The following NIPA2 variants were observed in gnomAD, a reference collection of about 807,000 sequenced individuals.
The protein encoded by NIPA2 is magnesium transporter NIPA2.
NIPA2 carries 11 observed loss-of-function variants against 29.7 expected under a neutral mutation model. The ratio of observed to expected loss-of-function variants is 0.37; its 90% CI spans 0.23 to 0.61. NIPA2 has a LOEUF of 0.61. Among genes scored for constraint, NIPA2 ranks in the 20% least tolerant of loss-of-function variants. The pLI is 0.66. For missense variants in NIPA2, 426 were observed against 437.9 expected (o/e 0.97, Z 0.24); for synonymous variants, 183 against 161.9 (o/e 1.13, Z -0.99).
chr15:22,851,263 A>T (rs2057718794), intron 3 of NIPA2, among the ~76,000 whole-genome samples: 1 of 152,222 alleles, frequency 6.6e-6, no homozygotes. Flanking sequence ...CTTTGTATAG[A>T]TTATTCAAAA....
intron 4 of NIPA2, among the ~76,000 whole-genome samples, chr15:22,852,467 T>TAAA (rs71411211): frequency 7.6e-6 from 1 of 131,010 alleles, no homozygotes; most frequent in South Asian, 2.5e-4. Flanking sequence ...AGACTCCGTC[T>TAAA]AAAAAAAAAA....
At chr15:22,840,461 C>G (rs949342605) in intron 2 of NIPA2, among the ~76,000 whole-genome samples, 6 of 151,972 alleles carry the variant, frequency 3.9e-5, no homozygotes, top group Non-Finnish European at 7.4e-5. Context: ...CCACGCCCAG[C>G]TAATTTTTGT....
In NIPA2 at chr15:22,865,435, G is replaced by T. The variant is rs62008585; in HGVS notation, c.449-778G>T. On this transcript the variant is annotated intron_variant, in intron 7 of 7. Transcript: ENST00000337451. ...CGGGAGGCGGAGCTTGCAGTGAGCC[G>T]AGATCGCACCACTGCACTCCAGCCT... 2.6e-5 allele frequency among the ~76,000 whole-genome samples: 4 copies of T among 150,956 alleles called. No homozygotes were observed. The South Asian group carries it at 8.3e-4, about 31-fold the overall frequency.
At position 22,866,841 on chromosome 15, in the gene NIPA2, T is replaced by C. The variant is rs747357556; in HGVS notation, c.1077T>C (p.Ala359=). ...CCCGAAGAAATGGAAATCTGACAGCTTTTTAAGAAAGGTGTAATTAAAGGT... is the reference window on the plus strand; with the variant it reads ...CCCGAAGAAATGGAAATCTGACAGCCTTTTAAGAAAGGTGTAATTAAAGGT... ...NVSRRNGNLT[A]F The change falls in exon 8 of 8, where the codon GCT becomes GCC. Residue 359 remains alanine, a synonymous_variant. Coordinates refer to ENST00000337451, the MANE Select transcript of NIPA2 (RefSeq NM_030922.7). 1 of 1,581,662 alleles carries C rather than the reference T, an allele frequency of 6.3e-7. No homozygotes were observed. Among genetic ancestry groups the C allele is most frequent in the South Asian group, 1.2e-5 (1 of 86,848 alleles).
intron 2 of NIPA2, among the ~76,000 whole-genome samples, chr15:22,840,263 C>G (rs1595672777): frequency 6.8e-6 from 1 of 146,754 alleles, no homozygotes; most frequent in South Asian, 2.1e-4. Context: ...GTAAAGATTT[C>G]GTAGAAAACT....
At position 22,868,085 on chromosome 15, in the gene NIPA2, C is replaced by G. The variant is rs1170802636; in HGVS notation, c.*1238C>G. 1 of 152,254 alleles carries G rather than the reference C, an allele frequency of 6.6e-6. No individual in the cohort carries two copies. Among genetic ancestry groups the G allele is most frequent in the Admixed American group, 6.5e-5 (1 of 15,288 alleles). 9.4% of individuals were successfully genotyped at this position (152,254 alleles called of 1,614,324 possible). The stretch of plus-strand genomic sequence containing the variant: ...TACCCAGTGGTGCGCCAGCGCCAAG[C>G]CATCACTCCCCGAGGGCCTCCCCTG... On this transcript the variant is annotated 3_prime_UTR_variant, in exon 8 of 8. Coordinates refer to ENST00000337451, the MANE Select transcript of NIPA2 (RefSeq NM_030922.7).
At chr15:22,862,476 A>G (rs934767184) in intron 7 of NIPA2, among the ~76,000 whole-genome samples, 1 of 151,982 alleles carries the variant, frequency 6.6e-6, no homozygotes, top group Non-Finnish European at 1.5e-5. Context: ...TAATTTTCTT[A>G]TCTTTTCTTT....
intron 3 of NIPA2, among the ~76,000 whole-genome samples, chr15:22,850,517 C>A (rs1449496698): frequency 6.6e-6 from 1 of 152,162 alleles, no homozygotes; most frequent in Admixed American, 6.5e-5. Context: ...GGAGTAATAT[C>A]AACTCAGTGT....
chr15:22,863,347 G>A (rs1364211966), intron 7 of NIPA2, among the ~76,000 whole-genome samples: 5 of 151,908 alleles, frequency 3.3e-5, no homozygotes, highest in Admixed American at 6.5e-5. Flanking sequence ...GCCTCCCAAA[G>A]GGCTGGGATT....
intron 7 of NIPA2, 63 bp downstream of exon 7, chr15:22,860,852 C>A: frequency 7.7e-7 from 1 of 1,303,518 alleles, no homozygotes; most frequent in Non-Finnish European, 1.1e-6. Flanking sequence ...TTACTTTAAT[C>A]GAAATTTGAT....
intron 6 of NIPA2, among the ~76,000 whole-genome samples, chr15:22,859,942 A>C (rs7168000): frequency 0.21 from 31,285 of 152,030 alleles, 3,460 homozygotes; most frequent in Admixed American, 0.31. Flanking sequence ...ATTATATACA[A>C]TTAACAACAT....
Position 22,867,401 on chromosome 15 carries a change from G to A in NIPA2, c.*554G>A, listed in dbSNP as rs117878279. The A allele has an allele frequency of 0.015, 5,740 of 384,276 alleles. 74 individuals carry two copies. Among genetic ancestry groups the A allele is most frequent in the Middle Eastern group, 0.037 (56 of 1,508 alleles). 23.8% of individuals were successfully genotyped at this position (384,276 alleles called of 1,614,324 possible). ...TCTTTCTTACAAAACAAAAAAAAGG[G>A]CAGAAATCACCCCAAGGAACGATTT... On this transcript the variant is annotated 3_prime_UTR_variant, in exon 8 of 8. Coordinates refer to ENST00000337451, the MANE Select transcript of NIPA2 (RefSeq NM_030922.7).
chr15:22,840,516 C>T (rs1384863264), intron 2 of NIPA2, among the ~76,000 whole-genome samples: 1 of 151,618 alleles, frequency 6.6e-6, no homozygotes, highest in Non-Finnish European at 1.5e-5. Flanking sequence ...CCAGGCTGGT[C>T]TCTTAACTCC....
chr15:22,859,366 C>T (rs1179267439), intron 6 of NIPA2, among the ~76,000 whole-genome samples: 3 of 150,114 alleles, frequency 2.0e-5, no homozygotes, highest in East Asian at 4.0e-4. Context: ...GATCTCGGCT[C>T]CCTGCAAGCT....
intron 6 of NIPA2, among the ~76,000 whole-genome samples, chr15:22,859,160 C>T (rs369086545): frequency 5.3e-5 from 8 of 151,998 alleles, no homozygotes; most frequent in South Asian, 2.1e-4. Flanking sequence ...GGCTATAGAG[C>T]GAGACTCTGT....
intron 7 of NIPA2, among the ~76,000 whole-genome samples, chr15:22,863,817 G>A (rs901329450): frequency 2.6e-5 from 4 of 152,160 alleles, no homozygotes; most frequent in African/African-American, 4.8e-5. Context: ...TGAGTGTTGG[G>A]CTGATTCTTC....
intron 3 of NIPA2, among the ~76,000 whole-genome samples, chr15:22,847,941 G>A (rs1446995585): frequency 6.6e-6 from 1 of 151,910 alleles, no homozygotes; most frequent in Non-Finnish European, 1.5e-5. Context: ...GGGATTACAG[G>A]CATGTGCCAC....
At chr15:22,859,999 T>TA (rs2058506770) in intron 6 of NIPA2, among the ~76,000 whole-genome samples, 2 of 151,850 alleles carry the variant, frequency 1.3e-5, no homozygotes, top group African/African-American at 4.8e-5. Context: ...GAGTAAATTT[T>TA]AAGCACTGGT....
chr15:22,866,480 C>T lies in NIPA2; in HGVS notation c.716C>T (p.Ala239Val), dbSNP rs2059083942. 1.2e-6 allele frequency: 2 copies of T among 1,613,854 alleles called. No individual in the cohort carries two copies. Among genetic ancestry groups the T allele is most frequent in the South Asian group, 2.2e-5 (2 of 91,074 alleles). Residue 239 changes from alanine (A) to valine (V), a missense_variant, in exon 8 of 8, where the codon GCC becomes GTC. This residue lies in a region of NIPA2 where 357 missense variants were observed against 339.8 expected (regional missense o/e 1.05). Transcript: ENST00000337451. ...ACACAGATTAATTACCTAAATAGGG[C>T]CCTGGATATATTCAACACTTCCATT... ...VSTQINYLNR[A>V]LDIFNTSIVT...
Sources: allele counts gnomAD v4.1 joint callset (sites outside exome capture counted in the v4.1 genomes callset), GRCh38; gene constraint gnomAD v4.1.1; regional missense constraint gnomAD v4.1.1; transcripts MANE v1.5; gene names NCBI Gene and HGNC (gene_info 2026-07-23, HGNC 2026-07-21).